KDM1A: variants seen among roughly 807,000 people sequenced by gnomAD.
KDM1A encodes lysine demethylase 1A.
Under a neutral mutation model 109.4 loss-of-function variants are expected in KDM1A, and 49 were observed. That is an observed-to-expected ratio of 0.45 (90% CI 0.36 to 0.57). KDM1A has a LOEUF of 0.57. KDM1A is among the 20% of genes least tolerant of loss of function. The pLI, the probability that KDM1A is intolerant of heterozygous loss-of-function variation, is 0.00. For synonymous variants in KDM1A, 380 were observed against 415.4 expected, an observed-to-expected ratio of 0.91 and a Z score of 1.04; for missense variants, 668 against 1,116.6, an observed-to-expected ratio of 0.60 and a Z score of 5.73.
At position 23,053,121 on chromosome 1, in the gene KDM1A, AT is replaced by A. The variant is rs1557549251; in HGVS notation, c.712-635del. 1.4e-4 allele frequency among the ~76,000 whole-genome samples: 21 copies of A among 152,192 alleles called. No homozygotes were observed. In the South Asian group the frequency reaches 4.4e-3, roughly 32 times the overall value. On this transcript the variant is annotated intron_variant, in intron 4 of 20. Transcript: ENST00000400181. ...CTCGACATATCTAGTTGATCATTAG[AT>A]TTTTGTGGATTTTATCCACTTAGTA...
At chr1:23,043,565 C>T (rs983228760) in intron 2 of KDM1A, among the ~76,000 whole-genome samples, 3 of 152,174 alleles carry the variant, frequency 2.0e-5, no homozygotes, top group Non-Finnish European at 4.4e-5. Flanking sequence ...AGATCACACT[C>T]ATTTTCCTAT....
At chr1:23,082,401 GA>G (rs1643646435) in intron 20 of KDM1A, 35 bp downstream of exon 20, 1 of 1,578,088 alleles carries the variant, frequency 6.3e-7, no homozygotes, top group Admixed American at 1.8e-5. Flanking sequence ...GCTTATTTGG[GA>G]AGAGGCCAGG....
At position 23,021,989 on chromosome 1, in the gene KDM1A, T is replaced by G. The variant is rs190076868; in HGVS notation, c.351+2042T>G. Among the ~76,000 whole-genome samples, 13 of 152,356 alleles carry G rather than the reference T, an allele frequency of 8.5e-5. No homozygotes were observed. In the East Asian group the frequency reaches 2.5e-3, roughly 29 times the overall value. ...CAGGGTTCATTCACGTTGTAGTGCT[T>G]TCATTCAGTACTTGATAACTCTTTA... is the stretch of plus-strand genomic sequence containing the variant. On this transcript the variant is annotated intron_variant, in intron 1 of 20. Coordinates refer to ENST00000400181, the MANE Select transcript of KDM1A (RefSeq NM_001009999.3).
chr1:23,046,297 CTT>C (rs1642502425), intron 3 of KDM1A, among the ~76,000 whole-genome samples: 2 of 152,132 alleles, frequency 1.3e-5, no homozygotes, highest in East Asian at 3.8e-4. Context: ...GTACAATTCT[CTT>C]TTCGTTTTCT....
intron 7 of KDM1A, 34 bp from the exon 8 acceptor site, chr1:23,057,450 A>T (rs769233173): frequency 3.2e-5 from 50 of 1,552,310 alleles, no homozygotes; most frequent in Non-Finnish European, 4.4e-5. Context: ...TTAAAACAGA[A>T]TTGATGATTT....
At chr1:23,024,401 A>T (rs562884963) in intron 1 of KDM1A, among the ~76,000 whole-genome samples, 5 of 152,356 alleles carry the variant, frequency 3.3e-5, no homozygotes, top group Non-Finnish European at 5.9e-5. Context: ...GCCATGCTTC[A>T]GTAGTTCTTC....
intron 16 of KDM1A, 136 bp downstream of exon 16, chr1:23,077,496 A>C (rs1235661689): frequency 1.2e-6 from 1 of 823,570 alleles, no homozygotes; most frequent in African/African-American, 1.7e-5. Flanking sequence ...ATTTATAGAC[A>C]GTTGAGCCTA....
intron 2 of KDM1A, among the ~76,000 whole-genome samples, chr1:23,034,883 G>A (rs543129865): frequency 6.6e-6 from 1 of 152,258 alleles, no homozygotes; most frequent in Non-Finnish European, 1.5e-5. Context: ...GGATTTTTCA[G>A]TAGAGACATC....
At chr1:23,042,583 G>T (rs1642379695) in intron 2 of KDM1A, among the ~76,000 whole-genome samples, 1 of 147,428 alleles carries the variant, frequency 6.8e-6, no homozygotes, top group South Asian at 2.2e-4. Flanking sequence ...CTCCGAAGTA[G>T]CTGGGACTAC....
At chr1:23,057,388 T>C in intron 7 of KDM1A, 96 bp from the exon 8 acceptor site, 1 of 878,984 alleles carries the variant, frequency 1.1e-6, no homozygotes, top group Non-Finnish European at 1.9e-6. Flanking sequence ...ACATCTTTAT[T>C]TTTAAATTAT....
chr1:23,019,618 G>A lies in KDM1A; in HGVS notation c.22G>A (p.Ala8Thr). 1 of 1,422,010 alleles carries A rather than the reference G, an allele frequency of 7.0e-7. No homozygotes were observed. The highest frequency in any genetic ancestry group is 2.6e-4 in the Middle Eastern group (1 of 3,840). The allele number at this position is 1,422,010 out of a possible 1,614,324, so 88.1% of individuals were successfully genotyped here. A position where few individuals can be genotyped will look rare whatever the true frequency, so the allele number is the denominator to read the frequency against. ...CGAGATGTTATCTGGGAAGAAGGCGGCAGCCGCGGCGGCGGCGGCTGCAGC... is the reference window on the plus strand; with the variant it reads ...CGAGATGTTATCTGGGAAGAAGGCGACAGCCGCGGCGGCGGCGGCTGCAGC... MLSGKKA[A>T]AAAAAAAAAA... Residue 8 changes from alanine to threonine, a missense_variant, in exon 1 of 21, where the codon GCA (alanine) becomes ACA (threonine). Physicochemically the swap from Ala to Thr is moderately conservative, Grantham distance 58 (BLOSUM62 0). Transcript: ENST00000400181.
intron 3 of KDM1A, among the ~76,000 whole-genome samples, chr1:23,045,335 T>A (rs1023667057): frequency 1.3e-5 from 2 of 152,230 alleles, no homozygotes; most frequent in Non-Finnish European, 2.9e-5. Context: ...TTTTGCAGTT[T>A]GCATATAACA....
chr1:23,083,032 A>G, intron 20 of KDM1A, 147 bp from the exon 21 acceptor site: 1 of 677,330 alleles, frequency 1.5e-6, no homozygotes, highest in Non-Finnish European at 2.5e-6. Context: ...CCTACTGATA[A>G]GGGAGACTCT....
chr1:23,066,132 C>T, intron 10 of KDM1A, 61 bp downstream of exon 10: 9 of 1,138,778 alleles, frequency 7.9e-6, no homozygotes, highest in Non-Finnish European at 1.2e-5. Context: ...CCATTAAAAG[C>T]TTGAAACCTA....
At chr1:23,067,423 G>A (rs978172365) in intron 10 of KDM1A, among the ~76,000 whole-genome samples, 2 of 152,146 alleles carry the variant, frequency 1.3e-5, no homozygotes, top group African/African-American at 2.4e-5. Flanking sequence ...GTTCAAAATC[G>A]TCTGTTGGGT....
intron 1 of KDM1A, among the ~76,000 whole-genome samples, chr1:23,025,812 C>T (rs1304832252): frequency 1.3e-5 from 2 of 152,046 alleles, no homozygotes; most frequent in African/African-American, 2.4e-5. Context: ...TGAATTCAGG[C>T]CAGACATGGT....
chr1:23,044,251 A>G (rs1457639545), intron 2 of KDM1A, 176 bp from the exon 3 acceptor site: 4 of 570,962 alleles, frequency 7.0e-6, no homozygotes, highest in Non-Finnish European at 1.3e-5. Context: ...CCTGACCAGA[A>G]TTTGGAAGAC....
chr1:23,045,558 T>A (rs1435237938), intron 3 of KDM1A, among the ~76,000 whole-genome samples: 1 of 152,212 alleles, frequency 6.6e-6, no homozygotes, highest in Non-Finnish European at 1.5e-5. Context: ...TGAAGAATGC[T>A]TTTCATCAAA....
chr1:23,041,934 A>T (rs992874027), intron 2 of KDM1A, among the ~76,000 whole-genome samples: 5 of 152,162 alleles, frequency 3.3e-5, no homozygotes, highest in African/African-American at 1.2e-4. Context: ...GTCCTGGTTA[A>T]CCTATTGAGT....
Sources: allele counts gnomAD v4.1 joint callset (sites outside exome capture counted in the v4.1 genomes callset), GRCh38; gene constraint gnomAD v4.1.1; transcripts MANE v1.5; gene names NCBI Gene and HGNC (gene_info 2026-07-23, HGNC 2026-07-21).